TMEM272: variants seen among roughly 807,000 people sequenced by gnomAD.
TMEM272 encodes transmembrane protein 272.
Under a neutral mutation model 3.7 loss-of-function variants are expected in TMEM272, and 8 were observed. The ratio of observed to expected loss-of-function variants is 2.17; its 90% CI spans 1.27 to 3.91. TMEM272 has a LOEUF of 3.91. Among genes scored for constraint, TMEM272 ranks in the 30% most tolerant of loss-of-function variants. The probability of loss-of-function intolerance (pLI) is 0.00; values close to 1 mark genes in which losing one functional copy is unlikely to be tolerated. For missense variants in TMEM272, 166 were observed against 91.5 expected (o/e 1.81, Z -3.32); for synonymous variants, 63 against 39.8 (o/e 1.58, Z -2.20).
the TMEM272 span, among the ~76,000 whole-genome samples, chr13:51,912,245 C>A: frequency 5.3e-5 from 8 of 152,126 alleles, no homozygotes; most frequent in African/African-American, 1.9e-4. Context: ...AGCAGGTATT[C>A]GGTAATTATT....
At chr13:51,831,282 C>T (rs923617501) in intron 2 of TMEM272, among the ~76,000 whole-genome samples, 1 of 152,076 alleles carries the variant, frequency 6.6e-6, no homozygotes, top group African/African-American at 2.4e-5. Flanking sequence ...ATTAGCCAGG[C>T]GTGGTGGTGC....
the TMEM272 span, among the ~76,000 whole-genome samples, chr13:51,901,820 T>G: frequency 6.6e-6 from 1 of 152,194 alleles, no homozygotes; most frequent in Admixed American, 6.5e-5. Flanking sequence ...CAGCCCAGCC[T>G]AGCTACAATC....
intron 3 of TMEM272, among the ~76,000 whole-genome samples, chr13:51,822,516 T>A (rs1956088810): frequency 6.6e-6 from 1 of 152,238 alleles, no homozygotes; most frequent in African/African-American, 2.4e-5. Context: ...TTTCTTGATA[T>A]GCTTAAAATA....
the TMEM272 span, among the ~76,000 whole-genome samples, chr13:51,869,743 C>T: frequency 1.3e-5 from 2 of 152,210 alleles, no homozygotes; most frequent in Non-Finnish European, 2.9e-5. Flanking sequence ...CCACCTCAGC[C>T]TCCCAAAGTG....
chr13:51,837,098 A>T (rs905444958), intron 2 of TMEM272, among the ~76,000 whole-genome samples: 2 of 152,214 alleles, frequency 1.3e-5, no homozygotes, highest in African/African-American at 4.8e-5. Context: ...TCATACAACA[A>T]GGGCAGAAAT....
At chr13:51,833,062 G>A (rs1315236491) in intron 2 of TMEM272, among the ~76,000 whole-genome samples, 2 of 152,178 alleles carry the variant, frequency 1.3e-5, no homozygotes, top group Non-Finnish European at 2.9e-5. Context: ...GGTACTGGGT[G>A]TTGATGGATG....
chr13:51,897,926 C>CAAAAAAA, the TMEM272 span, among the ~76,000 whole-genome samples: 5 of 98,424 alleles, frequency 5.1e-5, no homozygotes, highest in Admixed American at 1.2e-4. Context: ...GACTCCATCT[C>CAAAAAAA]AAAAAAAAAA....
chr13:51,816,808 C>G lies in TMEM272; in HGVS notation c.507G>C (p.Leu169=). 1 of 702,978 alleles carries G rather than the reference C, an allele frequency of 1.4e-6. No homozygotes were observed. Among genetic ancestry groups the G allele is most frequent in the Non-Finnish European group, 2.6e-6 (1 of 384,984 alleles). 43.5% of individuals were successfully genotyped at this position (702,978 alleles called of 1,614,324 possible). A position where few individuals can be genotyped will look rare whatever the true frequency, so the allele number is the denominator to read the frequency against. The change falls in exon 5 of 5, where the codon CTG becomes CTC. Residue 169 remains leucine (L), a synonymous_variant. Transcript: ENST00000629372. The part of the protein sequence containing the change: ...LSHTVLVLLL[L]CSGCVYLCSR... ...AGCACAGGTAGACACAGCCGCTGCA[C>G]AGCAGGAGCAAGACCAGCACAGTGT...
chr13:51,889,476 CATG>C, the TMEM272 span, among the ~76,000 whole-genome samples: 1 of 152,148 alleles, frequency 6.6e-6, no homozygotes, highest in Non-Finnish European at 1.5e-5. Context: ...CCTGTGAAGA[CATG>C]ATGAGAAAGT....
chr13:51,907,247 G>A, the TMEM272 span, among the ~76,000 whole-genome samples: 1 of 152,212 alleles, frequency 6.6e-6, no homozygotes, highest in Non-Finnish European at 1.5e-5. Context: ...TGAAGACAGA[G>A]GCTCTGATAC....
chr13:51,854,104 A>G, the TMEM272 span, among the ~76,000 whole-genome samples: 1 of 152,216 alleles, frequency 6.6e-6, no homozygotes, highest in Non-Finnish European at 1.5e-5. Context: ...TTGATTTTGT[A>G]CAAAGTGTGT....
At chr13:51,864,816 G>A in the TMEM272 span, among the ~76,000 whole-genome samples, 3 of 152,140 alleles carry the variant, frequency 2.0e-5, no homozygotes, top group African/African-American at 4.8e-5. Flanking sequence ...ATTCACCATC[G>A]TCTCTCACCT....
chr13:51,847,785 T>C (rs958715487), upstream of TMEM272, among the ~76,000 whole-genome samples: 7 of 152,132 alleles, frequency 4.6e-5, no homozygotes, highest in Admixed American at 2.0e-4. Flanking sequence ...AGCAGTCTTT[T>C]TTGAGCACAT....
At chr13:51,926,712 G>A in the TMEM272 span, among the ~76,000 whole-genome samples, 2 of 152,124 alleles carry the variant, frequency 1.3e-5, no homozygotes, top group African/African-American at 4.8e-5. Context: ...GGGCATGCTG[G>A]GAGCAGGAGG....
chr13:51,905,911 C>T, the TMEM272 span, among the ~76,000 whole-genome samples: 4 of 152,178 alleles, frequency 2.6e-5, no homozygotes, highest in East Asian at 7.7e-4. Context: ...GGCTCTGAAG[C>T]AGACAGGTAG....
chr13:51,910,010 C>A, the TMEM272 span: 190 of 1,529,200 alleles, frequency 1.2e-4, no homozygotes, highest in African/African-American at 2.5e-3. Context: ...TTCCTATCTC[C>A]AGTTTTTCTT....
In TMEM272 at chr13:51,816,386, C is replaced by G. The variant is rs140798568; in HGVS notation, c.*365G>C. ...TGACAGCAGCAGTAGCAACAACCAA[C>G]CTTGCTCTTGCACCAGTCATTGAAA... is the stretch of plus-strand genomic sequence containing the variant. On this transcript the variant is annotated 3_prime_UTR_variant, in exon 5 of 5. Transcript: ENST00000629372. The G allele has an allele frequency of 6.7e-3, 1,248 of 187,632 alleles. 15 individuals are homozygous for G. Among genetic ancestry groups the G allele is most frequent in the African/African-American group, 0.028 (1,193 of 43,220 alleles). 11.6% of individuals were successfully genotyped at this position (187,632 alleles called of 1,614,324 possible).
chr13:51,909,461 A>C, the TMEM272 span: 35 of 890,506 alleles, frequency 3.9e-5, no homozygotes, highest in Admixed American at 4.9e-4. Flanking sequence ...CATTTTCTTG[A>C]TATAACTCAG....
chr13:51,907,942 C>A, the TMEM272 span, among the ~76,000 whole-genome samples: 22 of 152,216 alleles, frequency 1.4e-4, no homozygotes, highest in African/African-American at 4.8e-4. Flanking sequence ...TCACCACCTG[C>A]AAGATTACAT....
Sources: gnomAD v4.1 joint callset for allele counts (sites outside exome capture counted in the v4.1 genomes callset) on GRCh38, gnomAD v4.1.1 for gene constraint, MANE v1.5 for transcripts, NCBI Gene and HGNC (gene_info 2026-07-23, HGNC 2026-07-21) for gene names.